The following CHN1 variants were observed in gnomAD, a reference collection of about 807,000 sequenced individuals.
CHN1 encodes the protein N-chimaerin.
Under a neutral mutation model 59.5 loss-of-function variants are expected in CHN1, and 37 were observed. The ratio of observed to expected loss-of-function variants is 0.62; its 90% CI spans 0.48 to 0.82. The LOEUF (loss-of-function observed/expected upper bound fraction) is 0.82. Among genes scored for constraint, CHN1 ranks in the 40% least tolerant of loss-of-function variants. CHN1 has a pLI of 0.00. For missense variants in CHN1, 469 were observed against 571.0 expected, an observed-to-expected ratio of 0.82 and a Z score of 1.82; for synonymous variants, 206 against 200.4, an observed-to-expected ratio of 1.03 and a Z score of -0.24.
chr2:174,969,925 A>T (rs377700248), intron 1 of CHN1, among the ~76,000 whole-genome samples: 75 of 152,208 alleles, frequency 4.9e-4, no homozygotes, highest in African/African-American at 1.7e-3. Context: ...CAAAACCCAA[A>T]CTATTTTAAT....
At position 174,846,945 on chromosome 2, in the gene CHN1, C is replaced by T; in HGVS notation, c.562G>A (p.Val188Ile). 1.3e-6 allele frequency: 2 copies of T among 1,553,900 alleles called. No homozygotes were observed. Among genetic ancestry groups the T allele is most frequent in the Non-Finnish European group, 1.7e-6 (2 of 1,147,838 alleles). ...GVSEKRLTSL[V>I]RRATLKENEQ... Reference sequence around the variant, plus strand: ...TTTTCTTTCAGAGTTGCTCTTCTAACAAGTGATGTCAACTGCGAATAAGCA... The same window carrying T: ...TTTTCTTTCAGAGTTGCTCTTCTAATAAGTGATGTCAACTGCGAATAAGCA... Residue 188 changes from valine to isoleucine, a missense_variant, in exon 7 of 13, where the codon GTT (valine) becomes ATT (isoleucine). Physicochemically the swap from Val to Ile is conservative, Grantham distance 29. Transcript: ENST00000409900.
intron 1 of CHN1, 85 bp downstream of exon 1, chr2:175,004,809 C>G (rs1397156275): frequency 3.8e-5 from 32 of 843,504 alleles, no homozygotes; most frequent in Non-Finnish European, 4.6e-5. Context: ...GCCCCCTCCC[C>G]GGGCGCCCAG....
chr2:174,817,837 C>T (rs1163460579), intron 8 of CHN1, among the ~76,000 whole-genome samples: 1 of 152,102 alleles, frequency 6.6e-6, no homozygotes, highest in East Asian at 1.9e-4. Context: ...CGGAGTTTCA[C>T]CGTGTTAGCC....
chr2:174,835,262 T>C (rs1451384603), intron 7 of CHN1, among the ~76,000 whole-genome samples: 1 of 152,208 alleles, frequency 6.6e-6, no homozygotes, highest in Non-Finnish European at 1.5e-5. Flanking sequence ...CACTTTACAG[T>C]GAAAACTGTT....
intron 3 of CHN1, among the ~76,000 whole-genome samples, chr2:174,943,016 C>T (rs1228681086): frequency 6.6e-6 from 1 of 151,202 alleles, no homozygotes. Context: ...CACCACTGGA[C>T]TCTAGCCTGG....
At chr2:174,997,746 A>C (rs1036607997) in intron 1 of CHN1, among the ~76,000 whole-genome samples, 1 of 152,144 alleles carries the variant, frequency 6.6e-6, no homozygotes. Flanking sequence ...TAAAAGATAC[A>C]AAAGGCCGGG....
intron 4 of CHN1, among the ~76,000 whole-genome samples, chr2:174,916,939 G>A (rs1035143577): frequency 1.4e-4 from 22 of 152,176 alleles, no homozygotes; most frequent in African/African-American, 4.1e-4. Context: ...CGCCTGTAAT[G>A]CCAGCACTTT....
At chr2:174,826,758 C>A (rs1008734448) in intron 7 of CHN1, among the ~76,000 whole-genome samples, 1 of 152,172 alleles carries the variant, frequency 6.6e-6, no homozygotes, top group Admixed American at 6.5e-5. Context: ...TGGGATATTT[C>A]TTTATATTAG....
At chr2:174,961,297 A>G (rs1038858223) in intron 1 of CHN1, among the ~76,000 whole-genome samples, 2 of 152,118 alleles carry the variant, frequency 1.3e-5, no homozygotes, top group Non-Finnish European at 2.9e-5. Context: ...ATTTAAAAAT[A>G]ATTAGCCAGC....
chr2:174,916,404 C>T (rs988749115), intron 4 of CHN1, among the ~76,000 whole-genome samples: 6 of 151,940 alleles, frequency 3.9e-5, no homozygotes, highest in Non-Finnish European at 8.8e-5. Flanking sequence ...TTTCATAGAC[C>T]CAGCTCTCAA....
At chr2:174,897,227 C>T (rs1010061173) in intron 5 of CHN1, among the ~76,000 whole-genome samples, 1 of 152,122 alleles carries the variant, frequency 6.6e-6, no homozygotes, top group African/African-American at 2.4e-5. Context: ...CTGAATTAAG[C>T]AATATCTTAT....
intron 1 of CHN1, among the ~76,000 whole-genome samples, chr2:174,967,052 G>T (rs4111404): frequency 6.6e-6 from 1 of 151,920 alleles, no homozygotes; most frequent in African/African-American, 2.4e-5. Context: ...TGCATCTCAC[G>T]TCTAAAATGC....
chr2:174,885,262 G>A lies in CHN1; in HGVS notation c.261-7134C>T, dbSNP rs1050102431. On this transcript the variant is annotated intron_variant, in intron 5 of 12. Coordinates refer to ENST00000409900, the MANE Select transcript of CHN1 (RefSeq NM_001822.7). ...TGCACTCCAGCTTGGGCGACAGAGCGAGACTCGGTCTCAAAAAAAAGAAAA... is the reference window on the plus strand; with the variant it reads ...TGCACTCCAGCTTGGGCGACAGAGCAAGACTCGGTCTCAAAAAAAAGAAAA... Among the ~76,000 whole-genome samples the A allele has an allele frequency of 8.6e-5, 13 of 151,116 alleles. 1 individual carries two copies. Among genetic ancestry groups the A allele is most frequent in the Middle Eastern group, 3.4e-3 (1 of 290 alleles).
intron 1 of CHN1, among the ~76,000 whole-genome samples, chr2:174,987,188 G>C (rs1315270441): frequency 6.6e-6 from 1 of 152,104 alleles, no homozygotes; most frequent in Non-Finnish European, 1.5e-5. Context: ...TAAAGTTTTG[G>C]GGAAGTCAAA....
intron 3 of CHN1, among the ~76,000 whole-genome samples, chr2:174,926,342 C>T (rs1018640169): frequency 2.6e-5 from 4 of 151,928 alleles, no homozygotes; most frequent in Non-Finnish European, 5.9e-5. Context: ...GCTGGGACTA[C>T]AGGCACATGC....
At chr2:174,828,791 G>T (rs1685777873) in intron 7 of CHN1, among the ~76,000 whole-genome samples, 2 of 152,214 alleles carry the variant, frequency 1.3e-5, no homozygotes, top group African/African-American at 4.8e-5. Flanking sequence ...CACAAGGGGT[G>T]CAAGGGCTTG....
intron 5 of CHN1, among the ~76,000 whole-genome samples, chr2:174,897,018 G>A (rs1050888268): frequency 2.0e-5 from 3 of 152,078 alleles, no homozygotes; most frequent in African/African-American, 7.2e-5. Flanking sequence ...GGAAGCAAAG[G>A]AAGAAAGGGA....
chr2:174,941,103 C>A (rs1430658188), intron 3 of CHN1, among the ~76,000 whole-genome samples: 1 of 152,060 alleles, frequency 6.6e-6, no homozygotes, highest in Non-Finnish European at 1.5e-5. Flanking sequence ...TACCATTATT[C>A]TTTTAGATGT....
At chr2:174,980,478 T>C (rs1179444646) in intron 1 of CHN1, among the ~76,000 whole-genome samples, 2 of 152,174 alleles carry the variant, frequency 1.3e-5, no homozygotes, top group Non-Finnish European at 2.9e-5. Context: ...TTAGTCTTTT[T>C]TCCCGTTTTT....
Sources: allele counts gnomAD v4.1 joint callset (sites outside exome capture counted in the v4.1 genomes callset), GRCh38; gene constraint gnomAD v4.1.1; transcripts MANE v1.5; gene names NCBI Gene and HGNC (gene_info 2026-07-23, HGNC 2026-07-21).